BNIP5: variants seen among roughly 807,000 people sequenced by gnomAD.
BNIP5 encodes BCL2 interacting protein 5, also known as protein BNIP5.
Under a neutral mutation model 67.3 loss-of-function variants are expected in BNIP5, and 61 were observed. The ratio of observed to expected loss-of-function variants is 0.91; its 90% CI spans 0.74 to 1.12. The LOEUF (loss-of-function observed/expected upper bound fraction) is 1.12. BNIP5 is among the 50% of genes most tolerant of loss of function. The pLI, the probability that BNIP5 is intolerant of heterozygous loss-of-function variation, is 0.00. For missense variants in BNIP5, 826 were observed against 816.3 expected (o/e 1.01, Z -0.14); for synonymous variants, 317 against 319.0 (o/e 0.99, Z 0.07).
rs1771685010 is a variant in BNIP5, at chr6:36,323,516, C to T, written c.1248G>A (p.Gln416=). The T allele has an allele frequency of 6.2e-7, 1 of 1,614,168 alleles. No homozygotes were observed. Residue 416 remains glutamine (Q), a synonymous_variant, in exon 8 of 12, where the codon CAG becomes CAA. Transcript: ENST00000437635. The stretch of plus-strand genomic sequence containing the variant: ...CCGGGTTTTCTACACCCACCTCTTC[C>T]TGCTGGACTTGAGGTTGCTGTGGGG... ...QQGEEQPQVQ[Q]EEVGVENPAP...
chr6:36,325,424 A>G lies in BNIP5; in HGVS notation c.1037-10T>C. The G allele has an allele frequency of 6.2e-7, 1 of 1,606,720 alleles. No homozygotes were observed. The highest frequency in any genetic ancestry group is 1.1e-5 in the South Asian group (1 of 90,342). On this transcript the variant is annotated splice_polypyrimidine_tract_variant and intron_variant, in intron 5 of 11. Transcript: ENST00000437635. ...TTAGGTTCTTCCAAGCCTGAGAAGC[A>G]GAAGGAGAACGAGGGTGTGTTTTGT...
Position 36,327,337 on chromosome 6 carries a change from C to G in BNIP5, c.728-243G>C, listed in dbSNP as rs1214119542. Among the ~76,000 whole-genome samples, 2 of 152,210 alleles carry G rather than the reference C, an allele frequency of 1.3e-5. 1 individual carries two copies. The highest frequency in any genetic ancestry group is 2.9e-5 in the Non-Finnish European group (2 of 68,036). ...CAGCCCTTCAGGCATTCAACCTGTG[C>G]CCCACTATTTCCTTTGAAAGTCACA... On this transcript the variant is annotated intron_variant, in intron 3 of 11. Transcript: ENST00000437635.
At chr6:36,327,139 GAC>G in intron 3 of BNIP5, 45 bp from the exon 4 acceptor site, 1 of 1,492,680 alleles carries the variant, frequency 6.7e-7, no homozygotes, top group Non-Finnish European at 9.3e-7. Flanking sequence ...TAAATGCACT[GAC>G]AACTCCTTCT....
At chr6:36,321,078 G>A (rs1039423066) in intron 10 of BNIP5, 77 bp downstream of exon 10, 5 of 912,378 alleles carry the variant, frequency 5.5e-6, no homozygotes, top group South Asian at 4.3e-5. Context: ...TTGCCCAGAG[G>A]TGCAGACTTG....
rs780763568 is a variant in BNIP5, at chr6:36,323,419, T to G, written c.1345A>C (p.Thr449Pro). ...FRRAFYHKKHTSKEPRRAGAA... is the reference protein window; with the variant it reads ...FRRAFYHKKHPSKEPRRAGAA... ...CCCGCTCTTCTGGGTTCCTTGGAGG[T>G]GTGTTTCTTATGGTAAAACGCTCTC... Residue 449 changes from threonine to proline, a missense_variant, in exon 8 of 12, where the codon ACC (threonine) becomes CCC (proline). Physicochemically the swap from Thr to Pro is conservative, Grantham distance 38. Transcript: ENST00000437635. 1.9e-6 allele frequency: 3 copies of G among 1,614,224 alleles called. No individual in the cohort carries two copies. The Admixed American group carries it at 5.0e-5, about 27-fold the overall frequency.
At chr6:36,324,051 G>T in intron 7 of BNIP5, 78 bp downstream of exon 7, 2 of 1,019,316 alleles carry the variant, frequency 2.0e-6, no homozygotes, top group Non-Finnish European at 3.1e-6. Flanking sequence ...GAGCAGCAGA[G>T]ACAGGGAAGT....
rs138770846 is a variant in BNIP5 at position 36,330,369 on chromosome 6, C to T, written c.322G>A (p.Val108Met). ...CTGGGCTCCTCAGGGCCCGTCCTCA[C>T]GAAGAAGTTCAGCATGGTCTTCAGC... ...GWLKTMLNFF[V>M]RTGPEEPREK... The change falls in exon 2 of 12, where the codon GTG (valine) becomes ATG (methionine). Residue 108 changes from valine to methionine, a missense_variant. Coordinates refer to ENST00000437635, the MANE Select transcript of BNIP5 (RefSeq NM_001010903.5). 84 of 1,614,202 alleles carry T rather than the reference C, an allele frequency of 5.2e-5. No individual in the cohort carries two copies. The highest frequency in any genetic ancestry group is 4.1e-4 in the African/African-American group (31 of 75,048).
rs539768359 is a variant in BNIP5 at position 36,323,612 on chromosome 6, C to T, written c.1231-79G>A. On this transcript the variant is annotated intron_variant, in intron 7 of 11. Coordinates refer to ENST00000437635, the MANE Select transcript of BNIP5 (RefSeq NM_001010903.5). ...CAGGTGAGGTGGGGAAAGAGAGCCA[C>T]GGTGGGCTAGCAGGCGTTGCCCAGA... 253 of 1,544,658 alleles carry T rather than the reference C, an allele frequency of 1.6e-4. 4 individuals carry two copies. In the South Asian group the frequency reaches 1.9e-3, roughly 12 times the overall value.
intron 9 of BNIP5, among the ~76,000 whole-genome samples, chr6:36,322,081 T>G (rs1771648307): frequency 6.6e-6 from 1 of 152,168 alleles, no homozygotes; most frequent in Non-Finnish European, 1.5e-5. Context: ...ATGGGGGTGT[T>G]AATTATATTC....
At chr6:36,324,297 G>C in intron 6 of BNIP5, 107 bp from the exon 7 acceptor site, 1 of 967,150 alleles carries the variant, frequency 1.0e-6, no homozygotes. Flanking sequence ...TTCTCCAAGG[G>C]GGCTAAAGAG....
chr6:36,325,462 G>A (rs777097622), intron 5 of BNIP5, 48 bp from the exon 6 acceptor site: 1 of 1,568,580 alleles, frequency 6.4e-7, no homozygotes, highest in Non-Finnish European at 8.6e-7. Flanking sequence ...GTCTGGGGCT[G>A]TTAACTATGC....
chr6:36,321,567 G>A (rs755320488), intron 9 of BNIP5, among the ~76,000 whole-genome samples: 9 of 152,148 alleles, frequency 5.9e-5, no homozygotes, highest in Non-Finnish European at 1.2e-4. Flanking sequence ...GTTTGGACGA[G>A]GAGCAGCACA....
At chr6:36,324,649 G>A (rs1334134966) in intron 6 of BNIP5, among the ~76,000 whole-genome samples, 50 of 69,622 alleles carry the variant, frequency 7.2e-4, no homozygotes, top group South Asian at 1.1e-3. Flanking sequence ...ATATATATAT[G>A]TTTCTAGGCC....
intron 7 of BNIP5, among the ~76,000 whole-genome samples, 184 bp downstream of exon 7, chr6:36,323,945 G>A (rs1307120276): frequency 6.6e-6 from 1 of 151,640 alleles, no homozygotes; most frequent in Non-Finnish European, 1.5e-5. Context: ...GGTTGTAGTG[G>A]GCCATGATCG....
At chr6:36,336,043 T>G (rs573418122) in intron 1 of BNIP5, among the ~76,000 whole-genome samples, 1 of 152,114 alleles carries the variant, frequency 6.6e-6, no homozygotes, top group Admixed American at 6.5e-5. Context: ...CCCACCCCAT[T>G]CTGTCCTCTA....
chr6:36,316,366 C>T lies in BNIP5; in HGVS notation c.*990G>A. 1 of 397,422 alleles carries T rather than the reference C, an allele frequency of 2.5e-6. No homozygotes were observed. Among genetic ancestry groups the T allele is most frequent in the Non-Finnish European group, 4.4e-6 (1 of 225,858 alleles). The allele number at this position is 397,422 out of a possible 1,614,324, so 24.6% of individuals were successfully genotyped here. On this transcript the variant is annotated 3_prime_UTR_variant, in exon 12 of 12. Coordinates refer to ENST00000437635, the MANE Select transcript of BNIP5 (RefSeq NM_001010903.5). ...AAGCTATTGAAACTGTTGAGCTATACAGAAGGCAGAGCCTCTGGCACCCCC... is the reference window on the plus strand; with the variant it reads ...AAGCTATTGAAACTGTTGAGCTATATAGAAGGCAGAGCCTCTGGCACCCCC...
At chr6:36,318,023 G>A (rs1162371513) in intron 11 of BNIP5, among the ~76,000 whole-genome samples, 1 of 152,180 alleles carries the variant, frequency 6.6e-6, no homozygotes, top group African/African-American at 2.4e-5. Context: ...AGAGGTCCAT[G>A]GTAAGGAGGA....
chr6:36,327,413 GTTTCT>G (rs1469529744), intron 3 of BNIP5, among the ~76,000 whole-genome samples: 1 of 152,196 alleles, frequency 6.6e-6, no homozygotes, highest in Non-Finnish European at 1.5e-5. Flanking sequence ...CCTTGAATAA[GTTTCT>G]TAACCTCTCT....
intron 6 of BNIP5, 109 bp from the exon 7 acceptor site, chr6:36,324,299 G>A: frequency 1.1e-6 from 1 of 941,694 alleles, no homozygotes; most frequent in Non-Finnish European, 1.7e-6. Context: ...CTCCAAGGGG[G>A]CTAAAGAGCT....
Sources: allele counts gnomAD v4.1 joint callset (sites outside exome capture counted in the v4.1 genomes callset), GRCh38; gene constraint gnomAD v4.1.1; transcripts MANE v1.5; gene names NCBI Gene and HGNC (gene_info 2026-07-23, HGNC 2026-07-21).